The following GPR55 variants were observed in gnomAD, a reference collection of about 807,000 sequenced individuals.
GPR55 encodes G protein-coupled receptor 55.
A neutral mutation model predicts 7.9 loss-of-function variants in GPR55; 6 were observed. The observed-to-expected ratio is 0.76, with a 90% CI of 0.41 to 1.49. The LOEUF is 1.49. Among genes scored for constraint, GPR55 ranks in the 40% most tolerant of loss-of-function variants. GPR55 has a pLI of 0.01. For synonymous variants in GPR55, 183 were observed against 166.8 expected (o/e 1.10, Z -0.75); for missense variants, 376 against 406.0 (o/e 0.93, Z 0.63).
intron 1 of GPR55, among the ~76,000 whole-genome samples, chr2:230,921,263 C>T (rs762096458): frequency 1.7e-4 from 26 of 152,094 alleles, no homozygotes; most frequent in Non-Finnish European, 3.4e-4. Flanking sequence ...CTGTGGAATA[C>T]CCATGATCAA....
chr2:230,933,396 C>A lies in GPR55; in HGVS notation c.-134-22300G>T, dbSNP rs552170521. 3.9e-5 allele frequency among the ~76,000 whole-genome samples: 6 copies of A among 152,344 alleles called. No homozygotes were observed. In the South Asian group the frequency reaches 1.2e-3, roughly 32 times the overall value. On this transcript the variant is annotated intron_variant, in intron 1 of 1. Coordinates refer to the GPR55 transcript ENST00000392039. Reference sequence around the variant, plus strand: ...ACCGTCTCCTGGGACCCTGATGTCCCTGCTAGGGGAAGTCAGGAACCTACT... The same window carrying A: ...ACCGTCTCCTGGGACCCTGATGTCCATGCTAGGGGAAGTCAGGAACCTACT...
chr2:230,910,554 TC>T lies in GPR55; in HGVS notation c.408del (p.Lys137ArgfsTer116). Reference protein sequence around the residue: ...PLLVSHLRSPRKIFGICCTIW... With the variant: ...PLLVSHLRSPXKIFGICCTIW... ...ATGGTGCAGCAGATCCCAAAGATCTTCCTGGGGGACCGGAGGTGGCTCACCA... is the reference window on the plus strand; with the variant it reads ...ATGGTGCAGCAGATCCCAAAGATCTTCTGGGGGACCGGAGGTGGCTCACCA... On this transcript the variant is annotated frameshift_variant, in exon 2 of 2. Coordinates refer to ENST00000650999, the MANE Select transcript of GPR55 (RefSeq NM_005683.4). LOFTEE classifies it high-confidence loss of function. The surrounding 1 kb of genome is among the most constrained non-coding windows in gnomAD (Gnocchi z 5.4). 6.2e-7 allele frequency: 1 copy of T among 1,613,956 alleles called. No individual in the cohort carries two copies. The highest frequency in any genetic ancestry group is 8.5e-7 in the Non-Finnish European group (1 of 1,179,860).
At chr2:230,946,892 G>A (rs899680853) in intron 1 of GPR55, among the ~76,000 whole-genome samples, 6 of 152,232 alleles carry the variant, frequency 3.9e-5, no homozygotes, top group African/African-American at 1.4e-4. Context: ...GGACTCCACT[G>A]AGGTTCTTTG....
intron 1 of GPR55, among the ~76,000 whole-genome samples, chr2:230,951,114 GT>G (rs1030445827): frequency 2.6e-5 from 4 of 152,170 alleles, no homozygotes; most frequent in Non-Finnish European, 5.9e-5. Context: ...CAAAGAGGGC[GT>G]TGTGGGAACC....
intron 1 of GPR55, among the ~76,000 whole-genome samples, chr2:230,937,089 G>T (rs988416026): frequency 6.6e-6 from 1 of 152,006 alleles, no homozygotes. Flanking sequence ...TGGGCTGTAC[G>T]ACTGGAAACA....
chr2:230,940,226 A>G (rs1451722612), intron 1 of GPR55, among the ~76,000 whole-genome samples: 2 of 152,086 alleles, frequency 1.3e-5, no homozygotes, highest in East Asian at 1.9e-4. Context: ...CTAACCGCTC[A>G]TGGGGTCTCA....
intron 1 of GPR55, among the ~76,000 whole-genome samples, chr2:230,953,665 A>T (rs1468808777): frequency 6.6e-6 from 1 of 152,200 alleles, no homozygotes; most frequent in African/African-American, 2.4e-5. Context: ...CAGGAAGGGG[A>T]AATAAACACA....
chr2:230,910,235 TGGACTGGGA>T lies in GPR55; in HGVS notation c.719_727del (p.Leu240_Val242del). On this transcript the variant is annotated inframe_deletion, in exon 2 of 2. Transcript: ENST00000650999. The surrounding 1 kb of genome is among the most constrained non-coding windows in gnomAD (Gnocchi z 5.4). The stretch of plus-strand genomic sequence containing the variant: ...CAGGAACTGCAGGAAGAACCCCAGG[TGGACTGGGA>T]GGAAGGAGACCACGAAGACAGCCAG... 1 of 1,613,846 alleles carries T rather than the reference TGGACTGGGA, an allele frequency of 6.2e-7. No homozygotes were observed. Among genetic ancestry groups the T allele is most frequent in the South Asian group, 1.1e-5 (1 of 91,060 alleles).
intron 1 of GPR55, among the ~76,000 whole-genome samples, chr2:230,937,573 G>A (rs561848268): frequency 4.0e-5 from 6 of 151,482 alleles, no homozygotes; most frequent in East Asian, 1.9e-4. Flanking sequence ...TTGCCTTGCC[G>A]AGAGAGCTTT....
chr2:230,933,133 C>T (rs1378064609), intron 1 of GPR55, among the ~76,000 whole-genome samples: 2 of 67,880 alleles, frequency 2.9e-5, no homozygotes, highest in African/African-American at 7.7e-5. Context: ...GTCCTGTGCC[C>T]TGTCGCCTCC....
chr2:230,954,206 C>A (rs960143361), intron 1 of GPR55, among the ~76,000 whole-genome samples: 5 of 152,262 alleles, frequency 3.3e-5, no homozygotes, highest in African/African-American at 1.2e-4. Flanking sequence ...CCACGTGCAT[C>A]CTTGCACCTG....
intron 1 of GPR55, among the ~76,000 whole-genome samples, chr2:230,943,863 T>C (rs1174078509): frequency 6.6e-6 from 1 of 152,228 alleles, no homozygotes; most frequent in Non-Finnish European, 1.5e-5. Context: ...AAGCAAGGTC[T>C]CATCAGAAGC....
In GPR55 at chr2:230,920,444, C is replaced by G. The variant is rs559167288; in HGVS notation, c.-135+4724G>C. Among the ~76,000 whole-genome samples, 76 of 151,456 alleles carry G rather than the reference C, an allele frequency of 5.0e-4. 1 individual carries two copies. The highest frequency in any genetic ancestry group is 1.8e-3 in the African/African-American group (73 of 41,208). On this transcript the variant is annotated intron_variant, in intron 1 of 1. Transcript: ENST00000650999. ...GTGTCAAGTGAGACAGCAATCCCAC[C>G]CAAATGATGGGAGAACAGCAACAAG...
chr2:230,910,329 G>T lies in GPR55; in HGVS notation c.634C>A (p.Arg212=), dbSNP rs554032648. 1 of 1,613,574 alleles carries T rather than the reference G, an allele frequency of 6.2e-7. No individual in the cohort carries two copies. The highest frequency in any genetic ancestry group is 1.7e-5 in the Admixed American group (1 of 59,974). The change falls in exon 2 of 2, where the codon CGA becomes AGA. Residue 212 remains arginine, a synonymous_variant. Coordinates refer to ENST00000650999, the MANE Select transcript of GPR55 (RefSeq NM_005683.4). The surrounding 1 kb of genome is among the most constrained non-coding windows in gnomAD (Gnocchi z 5.4). ...SRSIHILLGR[R]DHTQDWVQQK... is the part of the protein sequence containing the mutation. ...TGCACCCAGTCCTGGGTGTGGTCTC[G>T]GCGGCCCAGCAGGATGTGGATGCTC... is the stretch of plus-strand genomic sequence containing the variant.
intron 1 of GPR55, among the ~76,000 whole-genome samples, chr2:230,958,653 A>C (rs1175952528): frequency 2.6e-5 from 4 of 152,242 alleles, no homozygotes; most frequent in African/African-American, 9.6e-5. Flanking sequence ...GTAAGTGAGA[A>C]CATGCAATGT....
chr2:230,928,986 C>T (rs1690988705), upstream of GPR55, among the ~76,000 whole-genome samples: 1 of 152,196 alleles, frequency 6.6e-6, no homozygotes, highest in Admixed American at 6.5e-5. Flanking sequence ...GCCGGGAACA[C>T]TTCTGTTCCC....
chr2:230,922,839 G>A (rs1427667551), intron 1 of GPR55, among the ~76,000 whole-genome samples: 1 of 152,046 alleles, frequency 6.6e-6, no homozygotes, highest in Non-Finnish European at 1.5e-5. Context: ...AAAGTGCTGG[G>A]ATTACGGGTG....
chr2:230,915,685 T>A lies in GPR55; in HGVS notation c.-134-4589A>T, dbSNP rs148667439. 7.5e-3 allele frequency among the ~76,000 whole-genome samples: 1,135 copies of A among 152,310 alleles called. 13 individuals carry two copies. The highest frequency in any genetic ancestry group is 0.026 in the African/African-American group (1,085 of 41,564). Reference sequence around the variant, plus strand: ...CTGCTGACACCTCTGAATGTCCCGCTGACATGTTTAAATGTCACCAAGATA... The same window carrying A: ...CTGCTGACACCTCTGAATGTCCCGCAGACATGTTTAAATGTCACCAAGATA... On this transcript the variant is annotated intron_variant, in intron 1 of 1. Transcript: ENST00000650999.
intron 1 of GPR55, among the ~76,000 whole-genome samples, chr2:230,954,474 T>C (rs1267467472): frequency 1.3e-5 from 2 of 152,230 alleles, no homozygotes; most frequent in Non-Finnish European, 2.9e-5. Context: ...TTAAACTTTT[T>C]ATTTTTAATT....
Sources: gnomAD v4.1 joint callset for allele counts (sites outside exome capture counted in the v4.1 genomes callset) on GRCh38, gnomAD v4.1.1 for gene constraint, Gnocchi (gnomAD v3.1) non-coding constraint, MANE v1.5 for transcripts, NCBI Gene and HGNC (gene_info 2026-07-23, HGNC 2026-07-21) for gene names.